Variants in DNAI3 observed in about 807,000 individuals in gnomAD.
The protein encoded by DNAI3 is dynein axonemal intermediate chain 3, also known as WD repeat domain 63.
A neutral mutation model predicts 115.5 loss-of-function variants in DNAI3; 83 were observed. That is an observed-to-expected ratio of 0.72 (90% CI 0.60 to 0.86). DNAI3 has a LOEUF of 0.86. Ranked by LOEUF, DNAI3 falls within the 40% of genes least tolerant of loss-of-function variation. The probability of loss-of-function intolerance (pLI) is 0.00; values close to 1 mark genes in which losing one functional copy is unlikely to be tolerated. For synonymous variants in DNAI3, 320 were observed against 347.0 expected, an observed-to-expected ratio of 0.92 and a Z score of 0.86; for missense variants, 1,004 against 1,075.8, an observed-to-expected ratio of 0.93 and a Z score of 0.93.
At chr1:85,118,525 C>T (rs4559523) in intron 17 of DNAI3, among the ~76,000 whole-genome samples, 95,441 of 151,888 alleles carry the variant, frequency 0.63, 31,365 homozygotes, top group South Asian at 0.83. Context: ...CCCTGAAATA[C>T]AGAGTATTTT....
chr1:85,065,237 G>A (rs1397141622), intron 1 of DNAI3, among the ~76,000 whole-genome samples: 1 of 151,974 alleles, frequency 6.6e-6, no homozygotes, highest in Non-Finnish European at 1.5e-5. Flanking sequence ...AAGATCTCTT[G>A]GCTGGGAATA....
In DNAI3 at chr1:85,124,160, C is replaced by G. The variant is rs772432402; in HGVS notation, c.2021C>G (p.Thr674Ser). 1 of 1,614,224 alleles carries G rather than the reference C, an allele frequency of 6.2e-7. No homozygotes were observed. Among genetic ancestry groups the G allele is most frequent in the Non-Finnish European group, 8.5e-7 (1 of 1,180,024 alleles). Residue 674 changes from threonine to serine, a missense_variant, in exon 19 of 23, where the codon ACT becomes AGT. Coordinates refer to ENST00000294664, the MANE Select transcript of DNAI3 (RefSeq NM_145172.5). ...PVSHHTIHDGTVHTIQRSPFY... is the reference protein window; with the variant it reads ...PVSHHTIHDGSVHTIQRSPFY... Reference sequence around the variant, plus strand: ...AGCCACCACACCATTCACGACGGAACTGTCCACACTATTCAGAGATCACCT... The same window carrying G: ...AGCCACCACACCATTCACGACGGAAGTGTCCACACTATTCAGAGATCACCT...
intron 1 of DNAI3, among the ~76,000 whole-genome samples, chr1:85,064,378 C>T (rs545205394): frequency 4.6e-5 from 7 of 152,246 alleles, no homozygotes; most frequent in African/African-American, 1.7e-4. Context: ...AGGAAGGAAA[C>T]AAGAGTATAG....
chr1:85,106,419 T>C (rs183211545), intron 14 of DNAI3, among the ~76,000 whole-genome samples: 1 of 152,180 alleles, frequency 6.6e-6, no homozygotes, highest in African/African-American at 2.4e-5. Flanking sequence ...CATGCAACAA[T>C]AAAAACCCAA....
chr1:85,122,550 T>C (rs1434447542), intron 18 of DNAI3, among the ~76,000 whole-genome samples: 1 of 152,200 alleles, frequency 6.6e-6, no homozygotes, highest in East Asian at 1.9e-4. Flanking sequence ...CATTTCACAG[T>C]TTGGGATAAC....
At chr1:85,063,823 G>A (rs1654012912) in intron 1 of DNAI3, among the ~76,000 whole-genome samples, 1 of 152,126 alleles carries the variant, frequency 6.6e-6, no homozygotes, top group South Asian at 2.1e-4. Context: ...TAGGGCAGAG[G>A]ATTCAGGGAG....
chr1:85,083,647 T>C (rs1195910939), intron 5 of DNAI3, among the ~76,000 whole-genome samples: 1 of 151,968 alleles, frequency 6.6e-6, no homozygotes, highest in Non-Finnish European at 1.5e-5. Context: ...TACAGAGTAG[T>C]ATAACAAATA....
intron 16 of DNAI3, among the ~76,000 whole-genome samples, chr1:85,116,670 A>C (rs903650606): frequency 6.6e-6 from 1 of 152,194 alleles, no homozygotes; most frequent in Non-Finnish European, 1.5e-5. Context: ...CTCTTCCTAC[A>C]TGTATTATAA....
Position 85,092,794 on chromosome 1 carries a change from TACACACAC to T in DNAI3, c.858-629_858-622del, listed in dbSNP as rs58308443. Among the ~76,000 whole-genome samples, 233 of 145,364 alleles carry T rather than the reference TACACACAC, an allele frequency of 1.6e-3. 1 individual carries two copies. The highest frequency in any genetic ancestry group is 5.3e-3 in the East Asian group (26 of 4,912). ...TCCCAGGCATTGTGACAACTAAAAC[TACACACAC>T]ACACACACACACACACACACACACA... On this transcript the variant is annotated intron_variant, in intron 8 of 22. Transcript: ENST00000294664.
chr1:85,129,937 G>A (rs185971320), intron 21 of DNAI3, 53 bp from the exon 22 acceptor site: 15 of 1,578,524 alleles, frequency 9.5e-6, no homozygotes, highest in Admixed American at 3.8e-5. Context: ...GCCTTGTAAA[G>A]GTCATGGGGG....
chr1:85,125,510 A>G lies in DNAI3; in HGVS notation c.2113-1001A>G, dbSNP rs1224695475. ...GGTCATCAACAAAGAACTCTGCTTT[A>G]TGCCAATGTACTTCTGTATGTTTGA... On this transcript the variant is annotated intron_variant, in intron 19 of 22. Coordinates refer to ENST00000294664, the MANE Select transcript of DNAI3 (RefSeq NM_145172.5). Among the ~76,000 whole-genome samples, 3 of 150,976 alleles carry G rather than the reference A, an allele frequency of 2.0e-5. No homozygotes were observed. In the East Asian group the frequency reaches 5.8e-4, roughly 29 times the overall value.
chr1:85,093,753 C>A (rs1224977637), intron 9 of DNAI3, 105 bp downstream of exon 9: 1 of 1,391,760 alleles, frequency 7.2e-7, no homozygotes, highest in Non-Finnish European at 1.0e-6. Context: ...AGACACCTTC[C>A]ATTTGCTCTG....
rs1292458586 is a variant in DNAI3 at position 85,121,831 on chromosome 1, C to T, written c.1981+17C>T. The T allele has an allele frequency of 2.5e-6, 4 of 1,612,996 alleles. No individual in the cohort carries two copies. Among genetic ancestry groups the T allele is most frequent in the African/African-American group, 2.7e-5 (2 of 74,982 alleles). On this transcript the variant is annotated intron_variant, in intron 18 of 22. Transcript: ENST00000294664. Reference sequence around the variant, plus strand: ...GACTTATGTGTAAGTTTTGTGATTGCCCTGTTATTAATAAGATGTTCCTTT... The same window carrying T: ...GACTTATGTGTAAGTTTTGTGATTGTCCTGTTATTAATAAGATGTTCCTTT...
intron 16 of DNAI3, among the ~76,000 whole-genome samples, chr1:85,114,304 C>T (rs188250154): frequency 9.2e-5 from 14 of 152,262 alleles, no homozygotes; most frequent in Middle Eastern, 3.4e-3. Flanking sequence ...TGAGCCACCA[C>T]GCCTGGCCTA....
At chr1:85,099,566 G>A (rs1274774107) in intron 13 of DNAI3, among the ~76,000 whole-genome samples, 1 of 152,128 alleles carries the variant, frequency 6.6e-6, no homozygotes, top group Admixed American at 6.5e-5. Flanking sequence ...GTAATTTATA[G>A]ATTCAATGCC....
chr1:85,087,238 C>T (rs1477951004), intron 7 of DNAI3, among the ~76,000 whole-genome samples: 4 of 151,918 alleles, frequency 2.6e-5, no homozygotes, highest in Non-Finnish European at 1.5e-5. Context: ...GAGATCGAGA[C>T]CATCCTGGCC....
Position 85,084,545 on chromosome 1 carries a change from G to C in DNAI3, c.391-1G>C, listed in dbSNP as rs778265224. 1 of 1,416,428 alleles carries C rather than the reference G, an allele frequency of 7.1e-7. No individual in the cohort carries two copies. Among genetic ancestry groups the C allele is most frequent in the Non-Finnish European group, 9.3e-7 (1 of 1,079,676 alleles). The allele number at this position is 1,416,428 out of a possible 1,614,324, so 87.7% of individuals were successfully genotyped here. Reference sequence around the variant, plus strand: ...GTAGAATGCTATTTATTTTACTTTAGCCCCCAGAAGTACCAGAAGAACAAG... The same window carrying C: ...GTAGAATGCTATTTATTTTACTTTACCCCCCAGAAGTACCAGAAGAACAAG... On this transcript the variant is annotated splice_acceptor_variant, in intron 5 of 22. Coordinates refer to ENST00000294664, the MANE Select transcript of DNAI3 (RefSeq NM_145172.5). LOFTEE classifies it high-confidence loss of function.
intron 20 of DNAI3, 88 bp from the exon 21 acceptor site, chr1:85,128,620 A>C (rs1656219579): frequency 8.8e-7 from 1 of 1,132,742 alleles, no homozygotes; most frequent in Admixed American, 2.2e-5. Flanking sequence ...TTGGGAGAAC[A>C]CAAAACAAAA....
At position 85,121,777 on chromosome 1, in the gene DNAI3, G is replaced by A. The variant is rs1656001080; in HGVS notation, c.1944G>A (p.Trp648Ter). ...AAGGCGAAGTGATATACACAGATTG[G>A]AAAATGGAAAAAGACCCTGAAACTG... ...TEEGEVIYTD[W>*]KMEKDPETGR... Residue 648 changes from tryptophan to a stop codon, truncating the protein, a stop_gained, in exon 18 of 23, where the codon TGG (tryptophan) becomes TGA (stop). Coordinates refer to ENST00000294664, the MANE Select transcript of DNAI3 (RefSeq NM_145172.5). LOFTEE classifies it high-confidence loss of function. The A allele has an allele frequency of 6.2e-7, 1 of 1,614,124 alleles. No homozygotes were observed. The highest frequency in any genetic ancestry group is 8.5e-7 in the Non-Finnish European group (1 of 1,179,994).
Sources: gnomAD v4.1 joint callset for allele counts (sites outside exome capture counted in the v4.1 genomes callset) on GRCh38, gnomAD v4.1.1 for gene constraint, MANE v1.5 for transcripts, NCBI Gene and HGNC (gene_info 2026-07-23, HGNC 2026-07-21) for gene names.